Variants in DDX19A observed in about 807,000 individuals in gnomAD.
The protein encoded by DDX19A is ATP-dependent RNA helicase DDX19A.
DDX19A carries 12 observed loss-of-function variants against 60.6 expected under a neutral mutation model. The ratio of observed to expected loss-of-function variants is 0.20; its 90% confidence interval spans 0.13 to 0.32. DDX19A has a LOEUF of 0.32. DDX19A is among the 10% of genes least tolerant of loss of function. The pLI is 1.00. For synonymous variants in DDX19A, 206 were observed against 218.2 expected (o/e 0.94, Z 0.49); for missense variants, 337 against 600.6 (o/e 0.56, Z 4.59).
rs2047282090 is a variant in DDX19A, at chr16:70,372,107, T to G, written c.*121T>G. ...ACGGCAGAAGTAGAGAGAAACTACC[T>G]ACCTCACTTCAAATTATGTTTGGAC... On this transcript the variant is annotated 3_prime_UTR_variant, in exon 12 of 12. Transcript: ENST00000302243. 1 of 1,451,756 alleles carries G rather than the reference T, an allele frequency of 6.9e-7. No individual in the cohort carries two copies. Among genetic ancestry groups the G allele is most frequent in the Non-Finnish European group, 9.6e-7 (1 of 1,044,920 alleles). 89.9% of individuals were successfully genotyped at this position (1,451,756 alleles called of 1,614,324 possible). A position where few individuals can be genotyped will look rare whatever the true frequency, so the allele number is the denominator to read the frequency against.
chr16:70,364,918 C>G (rs2151641238), intron 6 of DDX19A, 99 bp from the exon 7 acceptor site: 1 of 907,848 alleles, frequency 1.1e-6, no homozygotes, highest in South Asian at 1.5e-5. Context: ...ACATGCTTCC[C>G]TGTGCTATTC....
At position 70,372,205 on chromosome 16, in the gene DDX19A, C is replaced by T; in HGVS notation, c.*219C>T. ...TGCATTTTGGAAAATTGGGTCCTTT[C>T]CCCACTTTTTTAAAGCCACATTCCC... On this transcript the variant is annotated 3_prime_UTR_variant, in exon 12 of 12. Transcript: ENST00000302243. 1 of 674,674 alleles carries T rather than the reference C, an allele frequency of 1.5e-6. No individual in the cohort carries two copies. 41.8% of individuals were successfully genotyped at this position (674,674 alleles called of 1,614,324 possible). A position where few individuals can be genotyped will look rare whatever the true frequency, so the allele number is the denominator to read the frequency against.
At chr16:70,356,658 A>G (rs913593411) in intron 4 of DDX19A, among the ~76,000 whole-genome samples, 1 of 151,486 alleles carries the variant, frequency 6.6e-6, no homozygotes, top group African/African-American at 2.4e-5. Flanking sequence ...GTGCCTGGCT[A>G]TTTTTTTTCT....
In DDX19A at chr16:70,372,991, G is replaced by A. The variant is rs1166216961; in HGVS notation, c.*1005G>A. On this transcript the variant is annotated 3_prime_UTR_variant, in exon 12 of 12. Transcript: ENST00000302243. Reference sequence around the variant, plus strand: ...CTCATGCCTATAATCCCAGCACGTTGGGAGGCTGAGGCGGGCGGATCGGTT... The same window carrying A: ...CTCATGCCTATAATCCCAGCACGTTAGGAGGCTGAGGCGGGCGGATCGGTT... The A allele has an allele frequency of 6.6e-6, 1 of 152,262 alleles. No homozygotes were observed. Among genetic ancestry groups the A allele is most frequent in the Non-Finnish European group, 1.5e-5 (1 of 68,070 alleles). The allele number at this position is 152,262 out of a possible 1,614,324, so 9.4% of individuals were successfully genotyped here. A position where few individuals can be genotyped will look rare whatever the true frequency, so the allele number is the denominator to read the frequency against.
Position 70,346,986 on chromosome 16 carries a change from G to A in DDX19A, c.-6G>A, listed in dbSNP as rs1456358032. On this transcript the variant is annotated 5_prime_UTR_variant, in exon 1 of 12. Transcript: ENST00000302243. ...TTTCACAAGTGGGTCTCCCTTGTCC[G>A]GGACTATGGCCACCGACTCGTGGGC... 14 of 1,611,898 alleles carry A rather than the reference G, an allele frequency of 8.7e-6. No individual in the cohort carries two copies. Among genetic ancestry groups the A allele is most frequent in the Non-Finnish European group, 1.1e-5 (13 of 1,179,564 alleles).
chr16:70,356,008 G>A (rs796422269), intron 3 of DDX19A, 104 bp from the exon 4 acceptor site: 34 of 1,456,580 alleles, frequency 2.3e-5, no homozygotes, highest in African/African-American at 7.1e-5. Flanking sequence ...TTCTCCAGCC[G>A]TGCTTGACTG....
In DDX19A at chr16:70,358,269, G is replaced by A. The variant is rs1438669353; in HGVS notation, c.293+2022G>A. ...TGGTCTCAAACTCCTGGCCTCAAGC[G>A]ATCTGCCCGCCTCAACCTCCCAGGC... is the stretch of plus-strand genomic sequence containing the variant. On this transcript the variant is annotated intron_variant, in intron 4 of 11. Coordinates refer to ENST00000302243, the MANE Select transcript of DDX19A (RefSeq NM_018332.5). Among the ~76,000 whole-genome samples the A allele has an allele frequency of 2.6e-5, 4 of 152,088 alleles. No individual in the cohort carries two copies. In the South Asian group the frequency reaches 6.2e-4, roughly 24 times the overall value.
chr16:70,347,309 C>T (rs1963864016), intron 1 of DDX19A: 7 of 527,768 alleles, frequency 1.3e-5, no homozygotes, highest in African/African-American at 5.7e-5. Flanking sequence ...TATTGACCTC[C>T]TCGGTGACGA....
chr16:70,356,278 G>C (rs746295754), intron 4 of DDX19A, 31 bp downstream of exon 4: 2 of 1,612,244 alleles, frequency 1.2e-6, no homozygotes, highest in East Asian at 2.2e-5. Flanking sequence ...ACAGCTCTTC[G>C]TTGCCAGTCT....
chr16:70,349,186 C>A (rs761883891), intron 1 of DDX19A, among the ~76,000 whole-genome samples: 12 of 152,156 alleles, frequency 7.9e-5, no homozygotes, highest in Non-Finnish European at 1.6e-4. Context: ...GGAAACCAGG[C>A]AAACTTCCAA....
intron 1 of DDX19A, among the ~76,000 whole-genome samples, chr16:70,349,795 A>G (rs1466665562): frequency 1.3e-5 from 2 of 152,234 alleles, no homozygotes; most frequent in South Asian, 4.1e-4. Flanking sequence ...TAGCTGTGAC[A>G]TGAATATCAC....
chr16:70,353,900 C>T (rs1285023500), intron 2 of DDX19A, among the ~76,000 whole-genome samples: 1 of 71,696 alleles, frequency 1.4e-5, no homozygotes, highest in South Asian at 5.0e-4. Flanking sequence ...GACTCTGTCT[C>T]AAAAAAAAAA....
intron 8 of DDX19A, 69 bp downstream of exon 8, chr16:70,366,331 C>G: frequency 6.4e-7 from 1 of 1,570,670 alleles, no homozygotes; most frequent in Non-Finnish European, 8.7e-7. Context: ...TCACTTCAGA[C>G]GCCTCCTCTG....
At chr16:70,359,675 G>A (rs1964312974) in intron 4 of DDX19A, among the ~76,000 whole-genome samples, 1 of 151,996 alleles carries the variant, frequency 6.6e-6, no homozygotes, top group South Asian at 2.1e-4. Flanking sequence ...GGGCAACATG[G>A]TGAAACCTTA....
At chr16:70,351,446 A>G (rs1964013670) in intron 2 of DDX19A, among the ~76,000 whole-genome samples, 1 of 152,078 alleles carries the variant, frequency 6.6e-6, no homozygotes, top group African/African-American at 2.4e-5. Flanking sequence ...AGCTCAAGCG[A>G]TCTGCCTGCC....
chr16:70,367,837 C>T (rs1469695812), intron 9 of DDX19A, among the ~76,000 whole-genome samples: 1 of 151,252 alleles, frequency 6.6e-6, no homozygotes, highest in Non-Finnish European at 1.5e-5. Flanking sequence ...AGATCGTGCC[C>T]CTGCACTCCA....
chr16:70,357,808 C>T (rs1213924628), intron 4 of DDX19A, among the ~76,000 whole-genome samples: 1 of 151,928 alleles, frequency 6.6e-6, no homozygotes, highest in Non-Finnish European at 1.5e-5. Flanking sequence ...TGCTGCCTGC[C>T]AGGATCACAA....
intron 9 of DDX19A, among the ~76,000 whole-genome samples, chr16:70,367,852 G>A (rs1249368460): frequency 6.6e-6 from 1 of 151,788 alleles, no homozygotes; most frequent in Admixed American, 6.6e-5. Context: ...ACTCCAGCCT[G>A]GGTGAGAGAG....
At chr16:70,356,589 C>G (rs1338543499) in intron 4 of DDX19A, among the ~76,000 whole-genome samples, 1 of 151,968 alleles carries the variant, frequency 6.6e-6, no homozygotes, top group Non-Finnish European at 1.5e-5. Context: ...AACTCCTGAC[C>G]TCAGGTGATC....
Sources: gnomAD v4.1 joint callset for allele counts (sites outside exome capture counted in the v4.1 genomes callset) on GRCh38, gnomAD v4.1.1 for gene constraint, MANE v1.5 for transcripts, NCBI Gene and HGNC (gene_info 2026-07-23, HGNC 2026-07-21) for gene names.